MAGI1: variants seen among roughly 807,000 people sequenced by gnomAD.
The protein encoded by MAGI1 is membrane associated guanylate kinase, WW and PDZ domain containing 1.
MAGI1 carries 58 observed loss-of-function variants against 139.9 expected under a neutral mutation model. That is an observed-to-expected ratio of 0.41 (90% confidence interval 0.34 to 0.52). The LOEUF (loss-of-function observed/expected upper bound fraction) is 0.52. Ranked by LOEUF, MAGI1 falls within the 20% of genes least tolerant of loss-of-function variation. MAGI1 has a pLI of 0.12. For missense variants in MAGI1, 1,874 were observed against 1,901.6 expected (o/e 0.99, Z 0.27); for synonymous variants, 812 against 737.9 (o/e 1.10, Z -1.63).
At chr3:65,686,650 A>C (rs187422842) in intron 1 of MAGI1, among the ~76,000 whole-genome samples, 15 of 152,284 alleles carry the variant, frequency 9.9e-5, no homozygotes, top group Admixed American at 2.0e-4. Context: ...CTGGACACCA[A>C]AACTGGGATT....
At chr3:65,564,588 A>G (rs2080521791) in intron 2 of MAGI1, among the ~76,000 whole-genome samples, 1 of 152,224 alleles carries the variant, frequency 6.6e-6, no homozygotes, top group Non-Finnish European at 1.5e-5. Context: ...AAATAAATAA[A>G]TAAATAAGTA....
chr3:65,375,671 A>AAGAGAAAAGGAAAAGACAGAGACAGAGAG, intron 18 of MAGI1, 74 bp downstream of exon 18: 1 of 1,253,104 alleles, frequency 8.0e-7, no homozygotes, highest in South Asian at 1.3e-5. Flanking sequence ...AAGAGAGAGA[A>AAGAGAAAAGGAAAAGACAGAGACAGAGAG]AGAGAAAAGG....
At chr3:65,699,682 T>A (rs1185349636) in intron 1 of MAGI1, among the ~76,000 whole-genome samples, 1 of 133,126 alleles carries the variant, frequency 7.5e-6, no homozygotes, top group Non-Finnish European at 1.6e-5. Context: ...AACAATGAGA[T>A]CACATGGACA....
chr3:65,804,569 A>G (rs1345101826), intron 1 of MAGI1, among the ~76,000 whole-genome samples: 1 of 150,260 alleles, frequency 6.7e-6, no homozygotes, highest in Non-Finnish European at 1.5e-5. Context: ...CTGCCTCTTT[A>G]CATATTTTAA....
intron 2 of MAGI1, among the ~76,000 whole-genome samples, chr3:65,534,754 G>C (rs1449991156): frequency 1.3e-5 from 2 of 152,134 alleles, no homozygotes; most frequent in Non-Finnish European, 2.9e-5. Flanking sequence ...TTGAACCCAG[G>C]TCTGGCTGCC....
intron 1 of MAGI1, among the ~76,000 whole-genome samples, chr3:65,757,404 G>A (rs1398123090): frequency 1.3e-5 from 2 of 152,202 alleles, no homozygotes; most frequent in African/African-American, 4.8e-5. Flanking sequence ...CAACACATTG[G>A]GAGGCTGAGG....
At chr3:65,751,935 T>C (rs2036186377) in intron 1 of MAGI1, among the ~76,000 whole-genome samples, 1 of 152,194 alleles carries the variant, frequency 6.6e-6, no homozygotes. Flanking sequence ...AGATATCGTC[T>C]GATTTTTTCG....
intron 1 of MAGI1, among the ~76,000 whole-genome samples, chr3:65,718,030 A>G (rs1477867393): frequency 1.3e-5 from 2 of 152,186 alleles, no homozygotes; most frequent in African/African-American, 4.8e-5. Context: ...GGTTTTTATG[A>G]ACATTCTATA....
intron 1 of MAGI1, among the ~76,000 whole-genome samples, chr3:65,938,080 C>A (rs916477931): frequency 6.6e-6 from 1 of 151,854 alleles, no homozygotes; most frequent in African/African-American, 2.4e-5. Flanking sequence ...CCTATCAAAT[C>A]CAAGTGCATA....
At chr3:65,663,252 T>C (rs2086305044) in intron 1 of MAGI1, among the ~76,000 whole-genome samples, 2 of 152,196 alleles carry the variant, frequency 1.3e-5, no homozygotes, top group African/African-American at 4.8e-5. Context: ...TTAATTTCCA[T>C]ATTGCTACAG....
intron 1 of MAGI1, among the ~76,000 whole-genome samples, chr3:65,981,606 T>C (rs1207303014): frequency 2.0e-5 from 3 of 152,192 alleles, no homozygotes; most frequent in Non-Finnish European, 4.4e-5. Context: ...CTTCTCATCT[T>C]GAATTGTAGC....
chr3:65,528,462 G>A (rs140366437), intron 2 of MAGI1, among the ~76,000 whole-genome samples: 125 of 152,292 alleles, frequency 8.2e-4, no homozygotes, highest in African/African-American at 3.0e-3. Context: ...AGGAGATGTA[G>A]TGTCTGTCCC....
intron 1 of MAGI1, among the ~76,000 whole-genome samples, chr3:65,939,583 G>A (rs1258207918): frequency 1.3e-5 from 2 of 152,132 alleles, no homozygotes; most frequent in African/African-American, 2.4e-5. Flanking sequence ...GTGAAATTAT[G>A]AGCCCATCTA....
intron 1 of MAGI1, among the ~76,000 whole-genome samples, chr3:65,742,251 G>T (rs1402569121): frequency 6.6e-6 from 1 of 152,072 alleles, no homozygotes. Flanking sequence ...CAGGTTCCCT[G>T]CCAAATATTT....
At chr3:65,467,012 T>G (rs147733022) in intron 5 of MAGI1, among the ~76,000 whole-genome samples, 1 of 152,244 alleles carries the variant, frequency 6.6e-6, no homozygotes, top group Non-Finnish European at 1.5e-5. Flanking sequence ...AGGGCTTTAT[T>G]TGCCTCTATC....
intron 1 of MAGI1, among the ~76,000 whole-genome samples, chr3:65,901,385 T>C (rs1322554498): frequency 1.3e-5 from 2 of 152,212 alleles, no homozygotes; most frequent in Non-Finnish European, 2.9e-5. Context: ...GGTGACGAAA[T>C]TGGCTGGAGA....
At chr3:65,458,294 C>A (rs1346239554) in intron 5 of MAGI1, among the ~76,000 whole-genome samples, 1 of 151,794 alleles carries the variant, frequency 6.6e-6, no homozygotes, top group Non-Finnish European at 1.5e-5. Context: ...ATACTGATTT[C>A]CTTTAGGTAT....
At chr3:65,686,683 A>C (rs1362456044) in intron 1 of MAGI1, among the ~76,000 whole-genome samples, 3 of 152,152 alleles carry the variant, frequency 2.0e-5, no homozygotes, top group African/African-American at 7.2e-5. Context: ...TCTCTTAATG[A>C]ATTATGCTAT....
At chr3:65,468,710 C>A (rs2107573066) in intron 5 of MAGI1, among the ~76,000 whole-genome samples, 1 of 152,070 alleles carries the variant, frequency 6.6e-6, no homozygotes, top group South Asian at 2.1e-4. Context: ...CAAGCCTTTT[C>A]TCTAACTCTC....
Sources: allele counts gnomAD v4.1 joint callset (sites outside exome capture counted in the v4.1 genomes callset), GRCh38; gene constraint gnomAD v4.1.1; transcripts MANE v1.5; gene names NCBI Gene and HGNC (gene_info 2026-07-23, HGNC 2026-07-21).